The following NCKAP5 variants were observed in gnomAD, a reference collection of about 807,000 sequenced individuals.
NCKAP5 encodes nck-associated protein 5.
NCKAP5 carries 92 observed loss-of-function variants against 167.0 expected under a neutral mutation model. That is an observed-to-expected ratio of 0.55 (90% CI 0.47 to 0.66). The LOEUF is 0.66. NCKAP5 is among the 30% of genes least tolerant of loss of function. The pLI is 0.00. For missense variants in NCKAP5, 2,378 were observed against 2,315.0 expected, an observed-to-expected ratio of 1.03 and a Z score of -0.56; for synonymous variants, 891 against 877.4, an observed-to-expected ratio of 1.02 and a Z score of -0.27.
chr2:133,216,209 T>G (rs144747569), intron 4 of NCKAP5, among the ~76,000 whole-genome samples: 16 of 152,134 alleles, frequency 1.1e-4, no homozygotes, highest in African/African-American at 3.1e-4. Context: ...TACATATAAC[T>G]CTACCAAATA....
intron 3 of NCKAP5, among the ~76,000 whole-genome samples, chr2:133,311,622 C>A (rs1322234385): frequency 6.6e-6 from 1 of 152,144 alleles, no homozygotes. Context: ...TATCCAGGAG[C>A]CCACAGTCTT....
chr2:133,024,052 T>C (rs2078616805), intron 6 of NCKAP5, among the ~76,000 whole-genome samples: 1 of 152,222 alleles, frequency 6.6e-6, no homozygotes, highest in Non-Finnish European at 1.5e-5. Context: ...GAATGTAAAC[T>C]ATATAAAAAC....
At chr2:132,749,252 A>G (rs1679903686) in intron 16 of NCKAP5, among the ~76,000 whole-genome samples, 1 of 151,360 alleles carries the variant, frequency 6.6e-6, no homozygotes, top group Non-Finnish European at 1.5e-5. Context: ...CCCAGGCTGG[A>G]GTGTAGTGGT....
intron 1 of NCKAP5, among the ~76,000 whole-genome samples, chr2:133,559,417 C>G (rs547872768): frequency 6.6e-6 from 1 of 152,270 alleles, no homozygotes; most frequent in South Asian, 2.1e-4. Context: ...CTCTTGGGTT[C>G]AAGTTATCCT....
At chr2:133,013,379 A>C (rs1251153959) in intron 6 of NCKAP5, among the ~76,000 whole-genome samples, 1 of 152,196 alleles carries the variant, frequency 6.6e-6, no homozygotes, top group African/African-American at 2.4e-5. Context: ...AAAGATAAAC[A>C]TTTATTGGAC....
At chr2:133,183,631 G>A (rs1386438749) in intron 5 of NCKAP5, among the ~76,000 whole-genome samples, 2 of 152,050 alleles carry the variant, frequency 1.3e-5, no homozygotes, top group Admixed American at 6.6e-5. Flanking sequence ...ACAGATAAAT[G>A]GTGAAAAAAG....
At position 132,811,611 on chromosome 2, in the gene NCKAP5, C is replaced by T. The variant is rs115379102; in HGVS notation, c.808-14882G>A. On this transcript the variant is annotated intron_variant, in intron 11 of 19. Coordinates refer to ENST00000409261, the MANE Select transcript of NCKAP5 (RefSeq NM_207363.3). ...TCACTACTACCATGCTCCCCCCAACCCTGCCCCCTGCCCCCTCAACAGCCC... is the reference window on the plus strand; with the variant it reads ...TCACTACTACCATGCTCCCCCCAACTCTGCCCCCTGCCCCCTCAACAGCCC... Among the ~76,000 whole-genome samples the T allele has an allele frequency of 8.2e-3, 1,254 of 152,174 alleles. 16 individuals are homozygous for T. The highest frequency in any genetic ancestry group is 0.029 in the African/African-American group (1,202 of 41,510).
chr2:133,395,470 G>A (rs1478595582), intron 3 of NCKAP5, among the ~76,000 whole-genome samples: 1 of 152,154 alleles, frequency 6.6e-6, no homozygotes, highest in African/African-American at 2.4e-5. Flanking sequence ...TGGTTAACGT[G>A]CAGGAGAGAC....
At position 132,868,989 on chromosome 2, in the gene NCKAP5, G is replaced by C; in HGVS notation, c.649-15C>G. ...TGGTTGGCTACCTTTAAAAAATAAA[G>C]AAAAAGTTGTCATTTATAATAATGA... On this transcript the variant is annotated splice_polypyrimidine_tract_variant and intron_variant, in intron 9 of 19. Coordinates refer to ENST00000409261, the MANE Select transcript of NCKAP5 (RefSeq NM_207363.3). 1 of 1,523,652 alleles carries C rather than the reference G, an allele frequency of 6.6e-7. No individual in the cohort carries two copies. The highest frequency in any genetic ancestry group is 8.8e-7 in the Non-Finnish European group (1 of 1,133,694). 94.4% of individuals were successfully genotyped at this position (1,523,652 alleles called of 1,614,324 possible).
At chr2:133,184,237 T>C (rs546199544) in intron 5 of NCKAP5, among the ~76,000 whole-genome samples, 3 of 152,178 alleles carry the variant, frequency 2.0e-5, no homozygotes, top group East Asian at 1.9e-4. Context: ...TGTTCCTGTG[T>C]TAATTAGTTT....
chr2:133,302,993 G>C, intron 4 of NCKAP5, 44 bp downstream of exon 4: 1 of 1,337,086 alleles, frequency 7.5e-7, no homozygotes, highest in Non-Finnish European at 1.1e-6. Context: ...AAGCTATAAA[G>C]GATGCTACCT....
At chr2:132,711,598 C>T (rs895887122) in intron 19 of NCKAP5, among the ~76,000 whole-genome samples, 3 of 152,120 alleles carry the variant, frequency 2.0e-5, no homozygotes, top group Non-Finnish European at 2.9e-5. Context: ...TACTGAGTTA[C>T]GTATCAAAGG....
rs1293326574 is a variant in NCKAP5 at position 133,320,938 on chromosome 2, T to C, written c.70-17828A>G. Among the ~76,000 whole-genome samples the C allele has an allele frequency of 2.0e-5, 3 of 152,170 alleles. No individual in the cohort carries two copies. In the East Asian group the frequency reaches 5.8e-4, roughly 29 times the overall value. On this transcript the variant is annotated intron_variant, in intron 3 of 19. Transcript: ENST00000409261. Reference sequence around the variant, plus strand: ...CTCCCAGGCTGTTTGCCCATTCCTGTGGGTGTCAGTTTTCCTAACTATGCT... The same window carrying C: ...CTCCCAGGCTGTTTGCCCATTCCTGCGGGTGTCAGTTTTCCTAACTATGCT...
At chr2:133,619,770 T>G in the NCKAP5 span, among the ~76,000 whole-genome samples, 1 of 152,170 alleles carries the variant, frequency 6.6e-6, no homozygotes, top group East Asian at 1.9e-4. Context: ...GTAAATTCAT[T>G]GTAAAAAGAT....
intron 4 of NCKAP5, among the ~76,000 whole-genome samples, chr2:133,297,482 A>G (rs1403805412): frequency 6.6e-6 from 1 of 152,118 alleles, no homozygotes; most frequent in African/African-American, 2.4e-5. Context: ...ATTAGACAGG[A>G]CCCCAAAATA....
At chr2:132,796,468 G>C (rs1006868225) in intron 12 of NCKAP5, among the ~76,000 whole-genome samples, 160 bp downstream of exon 12, 1 of 152,022 alleles carries the variant, frequency 6.6e-6, no homozygotes, top group African/African-American at 2.4e-5. Context: ...ATCAGCTGGG[G>C]GACATGATAT....
chr2:132,833,712 A>AT (rs1452861551), intron 11 of NCKAP5, among the ~76,000 whole-genome samples: 2 of 152,104 alleles, frequency 1.3e-5, no homozygotes. Context: ...ATTCTGTTCC[A>AT]TTGAACAGAA....
chr2:133,212,970 C>A (rs548764504), intron 5 of NCKAP5, among the ~76,000 whole-genome samples: 91 of 152,290 alleles, frequency 6.0e-4, no homozygotes, highest in African/African-American at 1.9e-3. Flanking sequence ...TTATCTAATT[C>A]TTTTACTGAA....
At chr2:133,450,136 C>CGCGT (rs1487067283) in intron 3 of NCKAP5, among the ~76,000 whole-genome samples, 1 of 144,282 alleles carries the variant, frequency 6.9e-6, no homozygotes, top group Non-Finnish European at 1.5e-5. Context: ...CACACACACG[C>CGCGT]GCGTGCGTGC....
Sources: gnomAD v4.1 joint callset for allele counts (sites outside exome capture counted in the v4.1 genomes callset) on GRCh38, gnomAD v4.1.1 for gene constraint, MANE v1.5 for transcripts, NCBI Gene and HGNC (gene_info 2026-07-23, HGNC 2026-07-21) for gene names.